The following CNBD1 variants were observed in gnomAD, a reference collection of about 807,000 sequenced individuals.
The protein encoded by CNBD1 is cyclic nucleotide-binding domain-containing protein 1.
A neutral mutation model predicts 54.4 loss-of-function variants in CNBD1; 71 were observed. The observed-to-expected ratio is 1.30, with a 90% CI of 1.08 to 1.59. The LOEUF (loss-of-function observed/expected upper bound fraction) is 1.59, where lower values mean the gene tolerates loss of function less well. CNBD1 is among the 40% of genes most tolerant of loss of function. The pLI, the probability that CNBD1 is intolerant of heterozygous loss-of-function variation, is 0.00. For missense variants in CNBD1, 659 were observed against 518.0 expected, an observed-to-expected ratio of 1.27 and a Z score of -2.64; for synonymous variants, 182 against 170.7, an observed-to-expected ratio of 1.07 and a Z score of -0.51.
intron 9 of CNBD1, among the ~76,000 whole-genome samples, chr8:87,353,122 G>A (rs898439909): frequency 2.6e-5 from 4 of 152,138 alleles, no homozygotes; most frequent in African/African-American, 7.2e-5. Context: ...ATAGTTCCCT[G>A]AGTCAAACTC....
chr8:87,201,254 C>T (rs989680873), intron 4 of CNBD1, among the ~76,000 whole-genome samples: 21 of 152,080 alleles, frequency 1.4e-4, no homozygotes, highest in African/African-American at 4.8e-4. Flanking sequence ...ATCTAATAAA[C>T]AGCATCAGTG....
At chr8:86,953,435 C>T (rs1340115976) in intron 4 of CNBD1, among the ~76,000 whole-genome samples, 1 of 152,278 alleles carries the variant, frequency 6.6e-6, no homozygotes, top group East Asian at 1.9e-4. Context: ...TTTACAATGA[C>T]CTAACACAAT....
chr8:87,233,328 G>T (rs933825726), intron 5 of CNBD1, among the ~76,000 whole-genome samples: 3 of 152,026 alleles, frequency 2.0e-5, no homozygotes, highest in South Asian at 2.1e-4. Context: ...GAAATTTCAG[G>T]TTTAGTTTCA....
chr8:86,918,800 A>T (rs1179585562), intron 3 of CNBD1, among the ~76,000 whole-genome samples: 1 of 38,104 alleles, frequency 2.6e-5, no homozygotes, highest in Non-Finnish European at 6.9e-5. Context: ...ATCTTTCTTT[A>T]AAAAAAAAAA....
intron 2 of CNBD1, among the ~76,000 whole-genome samples, chr8:87,400,904 A>G (rs914583954): frequency 6.6e-6 from 1 of 151,980 alleles, no homozygotes; most frequent in Non-Finnish European, 1.5e-5. Context: ...TTATTTAATT[A>G]ATTTATCTCA....
intron 4 of CNBD1, among the ~76,000 whole-genome samples, chr8:87,107,696 A>C (rs1306779789): frequency 1.3e-5 from 2 of 150,554 alleles, no homozygotes; most frequent in African/African-American, 2.5e-5. Context: ...CTGCATCTTA[A>C]GAATTTCTTT....
At chr8:86,963,996 G>T (rs2130476176) in intron 4 of CNBD1, among the ~76,000 whole-genome samples, 1 of 152,260 alleles carries the variant, frequency 6.6e-6, no homozygotes, top group African/African-American at 2.4e-5. Flanking sequence ...CCTGCAAGTT[G>T]GTTATTAGAG....
At chr8:86,869,195 G>A (rs1808406643) in intron 1 of CNBD1, among the ~76,000 whole-genome samples, 5 of 152,130 alleles carry the variant, frequency 3.3e-5, no homozygotes, top group Admixed American at 2.6e-4. Context: ...AGCCACTAAG[G>A]CAGTGGCAAT....
chr8:86,939,264 T>A (rs192411434), intron 3 of CNBD1, among the ~76,000 whole-genome samples: 3 of 152,166 alleles, frequency 2.0e-5, no homozygotes, highest in African/African-American at 7.2e-5. Flanking sequence ...GTATAAATGA[T>A]GTTAGCCATT....
chr8:87,374,942 G>A (rs2130952644), intron 10 of CNBD1, among the ~76,000 whole-genome samples: 1 of 150,012 alleles, frequency 6.7e-6, no homozygotes, highest in Admixed American at 6.6e-5. Context: ...TCATACAACT[G>A]GCAAAAATGC....
chr8:87,104,624 G>A (rs1207410718), intron 4 of CNBD1, among the ~76,000 whole-genome samples: 1 of 152,188 alleles, frequency 6.6e-6, no homozygotes, highest in Non-Finnish European at 1.5e-5. Flanking sequence ...AGGACTGATG[G>A]TCTAAAAGAG....
chr8:87,178,836 T>G (rs1420287476), intron 4 of CNBD1, among the ~76,000 whole-genome samples: 1 of 152,202 alleles, frequency 6.6e-6, no homozygotes, highest in Non-Finnish European at 1.5e-5. Context: ...TGGCAATAGA[T>G]ACCTAGAACC....
chr8:86,981,795 C>T (rs937314265), intron 4 of CNBD1, among the ~76,000 whole-genome samples: 15 of 152,078 alleles, frequency 9.9e-5, no homozygotes, highest in Non-Finnish European at 1.5e-5. Flanking sequence ...ATTTGTTCAT[C>T]CATTAGACAA....
intron 4 of CNBD1, among the ~76,000 whole-genome samples, chr8:87,197,894 C>T (rs1290644742): frequency 6.6e-6 from 1 of 152,104 alleles, no homozygotes; most frequent in Non-Finnish European, 1.5e-5. Context: ...GCTTGAGATA[C>T]AGGTTGACCT....
rs1809558148 is a variant in CNBD1 at position 87,322,472 on chromosome 8, C to G, written c.1043-29213C>G. Among the ~76,000 whole-genome samples, 3 of 122,072 alleles carry G rather than the reference C, an allele frequency of 2.5e-5. 1 individual carries two copies. Among genetic ancestry groups the G allele is most frequent in the Non-Finnish European group, 5.5e-5 (3 of 54,762 alleles). The allele number at this position is 122,072 out of a possible 152,430, so 80.1% of individuals were successfully genotyped here. Reference sequence around the variant, plus strand: ...ACATCCTCTCTAACACCTGTTGTTTCCTGACTTTTTAATGATTGCCATTCT... The same window carrying G: ...ACATCCTCTCTAACACCTGTTGTTTGCTGACTTTTTAATGATTGCCATTCT... On this transcript the variant is annotated intron_variant, in intron 8 of 10. Coordinates refer to ENST00000518476, the MANE Select transcript of CNBD1 (RefSeq NM_173538.3).
In CNBD1 at chr8:87,070,959, G is replaced by C. The variant is rs985829093; in HGVS notation, c.431+131205G>C. The stretch of plus-strand genomic sequence containing the variant: ...TATATTAAATATGTGAAATGGGATA[G>C]GATAATGTTTACTGTTCTCATTTGA... On this transcript the variant is annotated intron_variant, in intron 4 of 10. Coordinates refer to ENST00000518476, the MANE Select transcript of CNBD1 (RefSeq NM_173538.3). Among the ~76,000 whole-genome samples, 5 of 151,912 alleles carry C rather than the reference G, an allele frequency of 3.3e-5. 1 individual carries two copies. The South Asian group carries it at 1.0e-3, about 31-fold the overall frequency.
Position 87,092,563 on chromosome 8 carries a change from A to G in CNBD1, c.432-113430A>G, listed in dbSNP as rs201532784. On this transcript the variant is annotated intron_variant, in intron 4 of 10. Transcript: ENST00000518476. ...TGTGTGTATATATATATATACACAT[A>G]TGTGTGTGTGTGTATATATATATGT... is the stretch of plus-strand genomic sequence containing the variant. 1.6e-4 allele frequency among the ~76,000 whole-genome samples: 23 copies of G among 147,004 alleles called. 1 individual carries two copies. Among genetic ancestry groups the G allele is most frequent in the Middle Eastern group, 7.2e-3 (2 of 278 alleles).
chr8:87,216,255 A>G (rs1295573761), intron 5 of CNBD1, among the ~76,000 whole-genome samples: 1 of 152,214 alleles, frequency 6.6e-6, no homozygotes, highest in Admixed American at 6.5e-5. Flanking sequence ...AGAAATACAA[A>G]AGAAATTTTA....
chr8:86,887,517 A>C, intron 1 of CNBD1, 25 bp from the exon 2 acceptor site: 1 of 1,469,964 alleles, frequency 6.8e-7, no homozygotes, highest in Non-Finnish European at 9.3e-7. Context: ...AAAATTACTC[A>C]AATTTTTAAT....
Sources: allele counts gnomAD v4.1 joint callset (sites outside exome capture counted in the v4.1 genomes callset), GRCh38; gene constraint gnomAD v4.1.1; transcripts MANE v1.5; gene names NCBI Gene and HGNC (gene_info 2026-07-23, HGNC 2026-07-21).